The following KIF4A variants were observed in gnomAD, a reference collection of about 807,000 sequenced individuals.
The protein encoded by KIF4A is kinesin family member 4A.
KIF4A carries 7 observed loss-of-function variants against 105.9 expected under a neutral mutation model. The observed-to-expected ratio is 0.07, with a 90% CI of 0.04 to 0.12. The LOEUF (loss-of-function observed/expected upper bound fraction) is 0.12. Ranked by LOEUF, KIF4A falls within the 10% of genes least tolerant of loss-of-function variation. KIF4A has a pLI of 1.00. For missense variants in KIF4A, 558 were observed against 929.2 expected (o/e 0.60, Z 5.19); for synonymous variants, 281 against 331.3 (o/e 0.85, Z 1.65).
chrX:70,314,673 A>T (rs1238647732), intron 7 of KIF4A, among the ~76,000 whole-genome samples: 2 of 111,770 alleles, frequency 1.8e-5, no homozygotes, highest in African/African-American at 6.5e-5. Context: ...CTGGACAATC[A>T]AAGAGCCACT....
intron 10 of KIF4A, among the ~76,000 whole-genome samples, chrX:70,339,560 ATTAAAC>A (rs1321764235): frequency 5.3e-5 from 6 of 112,887 alleles, no homozygotes; most frequent in Non-Finnish European, 9.4e-5. Flanking sequence ...GAATCAAACA[ATTAAAC>A]TTAATTGTTC....
intron 7 of KIF4A, 142 bp from the exon 8 acceptor site, chrX:70,329,263 G>A: frequency 1.8e-6 from 1 of 544,233 alleles, no homozygotes; most frequent in Non-Finnish European, 2.8e-6. Context: ...ACTCCAAAAA[G>A]TGAACAAGAT....
At chrX:70,362,552 G>A (rs1317168964) in intron 15 of KIF4A, among the ~76,000 whole-genome samples, 1 of 111,839 alleles carries the variant, frequency 8.9e-6, no homozygotes, top group Non-Finnish European at 1.9e-5. Context: ...TTTTTTTTGA[G>A]ACAGAGTCTT....
chrX:70,388,387 A>T (rs2086225730), intron 20 of KIF4A, among the ~76,000 whole-genome samples: 3 of 110,729 alleles, frequency 2.7e-5, no homozygotes, highest in African/African-American at 9.8e-5. Flanking sequence ...GATTTTTTTT[A>T]ATTTCTTTTG....
chrX:70,364,193 C>G (rs2086090608), intron 15 of KIF4A, among the ~76,000 whole-genome samples: 1 of 111,764 alleles, frequency 8.9e-6, no homozygotes, highest in South Asian at 3.7e-4. Context: ...TGTAGGTTGC[C>G]TCTTCACTCT....
intron 15 of KIF4A, among the ~76,000 whole-genome samples, chrX:70,366,345 G>A (rs2086103359): frequency 9.0e-6 from 1 of 111,277 alleles, no homozygotes; most frequent in Non-Finnish European, 1.9e-5. Flanking sequence ...TGATGTTGGG[G>A]TGCCAATTTT....
chrX:70,343,536 CTT>C (rs1334469877), intron 11 of KIF4A, among the ~76,000 whole-genome samples, 165 bp from the exon 12 acceptor site: 1 of 111,480 alleles, frequency 9.0e-6, no homozygotes, highest in East Asian at 2.8e-4. Flanking sequence ...TTCCATGACT[CTT>C]TTAAAAAACA....
chrX:70,380,086 T>A (rs1392616746), intron 18 of KIF4A, among the ~76,000 whole-genome samples: 1 of 111,605 alleles, frequency 9.0e-6, no homozygotes, highest in Admixed American at 9.6e-5. Context: ...GCAGATCACT[T>A]GAGGTCAGAA....
Position 70,374,174 on chromosome X carries a change from A to G in KIF4A, c.1698A>G (p.Leu566=). The change falls in exon 16 of 31, where the codon TTA becomes TTG. Residue 566 remains leucine, a synonymous_variant. Transcript: ENST00000374403. ...AGGATAACATAAAAGAGCTAGAATT[A>G]GAAGTCATCAATCTGCAAAAGGAAA... ...QYQDNIKELE[L]EVINLQKEKE... is the part of the protein sequence containing the mutation. 8.4e-7 allele frequency: 1 copy of G among 1,192,172 alleles called. No homozygotes were observed. The highest frequency in any genetic ancestry group is 1.1e-6 in the Non-Finnish European group (1 of 878,367).
At chrX:70,417,289 G>C (rs774220781) in intron 28 of KIF4A, among the ~76,000 whole-genome samples, 1 of 112,238 alleles carries the variant, frequency 8.9e-6, no homozygotes, top group South Asian at 3.7e-4. Context: ...GATCACCTGA[G>C]GTCAGGAGTT....
At chrX:70,333,547 C>G (rs1210883880) in intron 9 of KIF4A, 81 bp from the exon 10 acceptor site, 2 of 656,391 alleles carry the variant, frequency 3.0e-6, no homozygotes, top group Admixed American at 4.6e-5. Flanking sequence ...TACTTTATTG[C>G]TAATTGTGGT....
intron 15 of KIF4A, among the ~76,000 whole-genome samples, chrX:70,359,963 A>G (rs1051330181): frequency 9.0e-6 from 1 of 111,692 alleles, no homozygotes; most frequent in African/African-American, 3.3e-5. Context: ...CAAAGGTTTC[A>G]TGCCTGGCTG....
chrX:70,375,457 C>G, intron 17 of KIF4A, 109 bp downstream of exon 17: 1 of 764,748 alleles, frequency 1.3e-6, no homozygotes, highest in Non-Finnish European at 1.9e-6. Flanking sequence ...GCAGGCAGAG[C>G]AATCATTTCA....
intron 28 of KIF4A, among the ~76,000 whole-genome samples, chrX:70,414,175 A>G (rs1186669915): frequency 8.9e-6 from 1 of 111,975 alleles, no homozygotes; most frequent in Non-Finnish European, 1.9e-5. Context: ...ATAAATCGAC[A>G]TTATCCCCAT....
At chrX:70,419,517 C>G in intron 29 of KIF4A, 144 bp from the exon 30 acceptor site, 2 of 668,274 alleles carry the variant, frequency 3.0e-6, no homozygotes, top group Admixed American at 2.6e-5. Context: ...ACACTATGAC[C>G]TCCCCAAGCA....
At chrX:70,407,612 C>T (rs998319262) in intron 28 of KIF4A, among the ~76,000 whole-genome samples, 32 of 111,690 alleles carry the variant, frequency 2.9e-4, no homozygotes, top group African/African-American at 1.0e-3. Flanking sequence ...CAAGTTGGCT[C>T]TCTTCTTGTT....
intron 15 of KIF4A, among the ~76,000 whole-genome samples, chrX:70,354,364 A>G (rs1274762709): frequency 8.9e-6 from 1 of 112,187 alleles, no homozygotes; most frequent in Non-Finnish European, 1.9e-5. Flanking sequence ...ATTACAGACA[A>G]AGGGATATTA....
chrX:70,313,090 C>CT (rs1478026064), intron 7 of KIF4A, among the ~76,000 whole-genome samples: 12 of 109,864 alleles, frequency 1.1e-4, no homozygotes, highest in South Asian at 7.7e-4. Context: ...TCCTCATGTT[C>CT]TTTTTTTTTA....
intron 7 of KIF4A, among the ~76,000 whole-genome samples, chrX:70,320,082 C>G (rs1273796802): frequency 1.8e-5 from 2 of 112,164 alleles, no homozygotes; most frequent in Non-Finnish European, 3.8e-5. Context: ...CAAACTGTTA[C>G]TTTTCAATCA....
Sources: gnomAD v4.1 joint callset for allele counts (sites outside exome capture counted in the v4.1 genomes callset) on GRCh38, gnomAD v4.1.1 for gene constraint, MANE v1.5 for transcripts, NCBI Gene and HGNC (gene_info 2026-07-23, HGNC 2026-07-21) for gene names.